The following NOL11 variants were observed in gnomAD, a reference collection of about 807,000 sequenced individuals.
NOL11 encodes nucleolar protein 11.
NOL11 carries 42 observed loss-of-function variants against 93.0 expected under a neutral mutation model. The ratio of observed to expected loss-of-function variants is 0.45; its 90% CI spans 0.35 to 0.58. The LOEUF is 0.58. Among genes scored for constraint, NOL11 ranks in the 20% least tolerant of loss-of-function variants. The pLI, the probability that NOL11 is intolerant of heterozygous loss-of-function variation, is 0.00. For missense variants in NOL11, 775 were observed against 841.8 expected, an observed-to-expected ratio of 0.92 and a Z score of 0.98; for synonymous variants, 296 against 293.7, an observed-to-expected ratio of 1.01 and a Z score of -0.08.
rs761580184 is a variant in NOL11 at position 67,717,993 on chromosome 17, A to G, written c.46A>G (p.Ser16Gly). 16 of 1,614,112 alleles carry G rather than the reference A, an allele frequency of 9.9e-6. No individual in the cohort carries two copies. Among genetic ancestry groups the G allele is most frequent in the South Asian group, 4.4e-5 (4 of 91,088 alleles). Residue 16 changes from serine (S) to glycine (G), a missense_variant, in exon 1 of 18, where the codon AGC becomes GGC. Coordinates refer to ENST00000253247, the MANE Select transcript of NOL11 (RefSeq NM_015462.5). ...ATTCACGTTGTCTTCGGTAGTCCTG[A>G]GCGCCGGGCCTGAAGGACTCCTAGG... Reference protein sequence around the residue: ...EEFTLSSVVLSAGPEGLLGVE... With the variant: ...EEFTLSSVVLGAGPEGLLGVE...
At chr17:67,724,582 T>C (rs2055069972) in intron 6 of NOL11, among the ~76,000 whole-genome samples, 1 of 152,130 alleles carries the variant, frequency 6.6e-6, no homozygotes, top group Admixed American at 6.5e-5. Flanking sequence ...TCCACCCGCC[T>C]TGGCCTCCCA....
At chr17:67,734,499 C>G (rs748557943) in intron 8 of NOL11, 60 bp downstream of exon 8, 103 of 1,181,140 alleles carry the variant, frequency 8.7e-5, no homozygotes, top group Non-Finnish European at 1.3e-4. Flanking sequence ...TTTTGTTTTG[C>G]TTTGTTTTGA....
intron 8 of NOL11, 93 bp from the exon 9 acceptor site, chr17:67,735,807 C>T: frequency 1.1e-6 from 1 of 877,970 alleles, no homozygotes; most frequent in Non-Finnish European, 1.6e-6. Flanking sequence ...GTTTTTAATA[C>T]TGAGCACTTA....
At chr17:67,718,517 T>G (rs1382003882) in intron 1 of NOL11, among the ~76,000 whole-genome samples, 2 of 152,078 alleles carry the variant, frequency 1.3e-5, no homozygotes, top group Non-Finnish European at 2.9e-5. Context: ...CCCCTCTCTT[T>G]GTAGGGGCGG....
chr17:67,721,239 G>A, intron 3 of NOL11, 139 bp from the exon 4 acceptor site: 1 of 528,052 alleles, frequency 1.9e-6, no homozygotes, highest in Non-Finnish European at 3.2e-6. Flanking sequence ...TTAGATTTTG[G>A]AACCATACAT....
intron 3 of NOL11, 135 bp from the exon 4 acceptor site, chr17:67,721,243 C>A: frequency 1.9e-6 from 1 of 539,228 alleles, no homozygotes. Context: ...ATTTTGGAAC[C>A]ATACATAATT....
At chr17:67,725,036 G>A (rs1187060280) in intron 6 of NOL11, among the ~76,000 whole-genome samples, 1 of 151,984 alleles carries the variant, frequency 6.6e-6, no homozygotes, top group African/African-American at 2.4e-5. Context: ...GCAGCCTGGG[G>A]GACAGAGCGA....
intron 7 of NOL11, among the ~76,000 whole-genome samples, chr17:67,733,897 T>G (rs1205964612): frequency 6.6e-6 from 1 of 152,264 alleles, no homozygotes; most frequent in Admixed American, 6.5e-5. Flanking sequence ...TTGTTGGTAT[T>G]TTGATTAGGA....
At position 67,739,588 on chromosome 17, in the gene NOL11, C is replaced by G; in HGVS notation, c.1915C>G (p.His639Asp). 6.3e-7 allele frequency: 1 copy of G among 1,590,486 alleles called. No individual in the cohort carries two copies. Among genetic ancestry groups the G allele is most frequent in the Non-Finnish European group, 8.6e-7 (1 of 1,166,112 alleles). Residue 639 changes from histidine to aspartate, a missense_variant, in exon 16 of 18, where the codon CAC (histidine) becomes GAC (aspartate). His to Asp is a moderately conservative substitution (Grantham distance 81, BLOSUM62 -1). Coordinates refer to ENST00000253247, the MANE Select transcript of NOL11 (RefSeq NM_015462.5). ...TGCTACTATGACTCTTCCTGGAATA[C>G]ACCCACCTACCTTGAACCAGGTGAG... ...ENATMTLPGI[H>D]PPTLNQIMDW...
In NOL11 at chr17:67,734,381, A is replaced by C; in HGVS notation, c.872A>C (p.Asn291Thr). 6.2e-7 allele frequency: 1 copy of C among 1,603,590 alleles called. No homozygotes were observed. The highest frequency in any genetic ancestry group is 1.1e-5 in the South Asian group (1 of 90,732). Residue 291 changes from asparagine to threonine, a missense_variant, in exon 8 of 18, where the codon AAC becomes ACC. By Grantham distance (65) the Asn-to-Thr change is moderately conservative. Around this residue, in one of 2 missense-constraint regions of NOL11, gnomAD observed 416 missense variants for 525.2 expected, o/e 0.79. Coordinates refer to ENST00000253247, the MANE Select transcript of NOL11 (RefSeq NM_015462.5). The stretch of plus-strand genomic sequence containing the variant: ...TTTATAGAATGCCTCTCTGTATGGA[A>C]CATAAAATTTCAAACACTACAGACT... ...AASKECLSVW[N>T]IKFQTLQTSK...
At chr17:67,718,181 A>C in intron 1 of NOL11, 93 bp downstream of exon 1, 2 of 1,528,808 alleles carry the variant, frequency 1.3e-6, no homozygotes, top group Non-Finnish European at 1.8e-6. Context: ...CTTCAGAAAG[A>C]GATCGTGGAG....
At position 67,725,165 on chromosome 17, in the gene NOL11, G is replaced by C. The variant is rs1769689957; in HGVS notation, c.664+972G>C. On this transcript the variant is annotated intron_variant, in intron 6 of 17. Transcript: ENST00000253247. ...TTAGCTGATAAGGCCCAGGTTCTTT[G>C]AGTGTAATTAGTGAAACATAAACTG... 2.0e-5 allele frequency among the ~76,000 whole-genome samples: 3 copies of C among 152,332 alleles called. No homozygotes were observed. In the South Asian group the frequency reaches 6.2e-4, roughly 32 times the overall value.
intron 16 of NOL11, among the ~76,000 whole-genome samples, chr17:67,741,228 C>G (rs1238855602): frequency 6.6e-6 from 1 of 152,090 alleles, no homozygotes; most frequent in African/African-American, 2.4e-5. Context: ...AGCCACCACA[C>G]CTGGCTAATT....
At position 67,738,368 on chromosome 17, in the gene NOL11, A is replaced by G. The variant is rs1251719208; in HGVS notation, c.1763+13A>G. ...GAGCAGCTCTACTGTATCCTTTGAC[A>G]TAGAGCATCCCTCTGTTTCTCTTTA... is the stretch of plus-strand genomic sequence containing the variant. On this transcript the variant is annotated intron_variant, in intron 14 of 17. Transcript: ENST00000253247. 1 of 1,530,626 alleles carries G rather than the reference A, an allele frequency of 6.5e-7. No individual in the cohort carries two copies. Among genetic ancestry groups the G allele is most frequent in the South Asian group, 1.1e-5 (1 of 88,092 alleles). 94.8% of individuals were successfully genotyped at this position (1,530,626 alleles called of 1,614,324 possible).
intron 5 of NOL11, among the ~76,000 whole-genome samples, chr17:67,723,372 T>A (rs2055053438): frequency 3.2e-4 from 1 of 3,090 alleles, no homozygotes; most frequent in Non-Finnish European, 7.6e-4. Context: ...GATCTCTAAT[T>A]TTTTTTTTTT....
chr17:67,740,394 G>C (rs1168834646), intron 16 of NOL11, among the ~76,000 whole-genome samples: 1 of 152,032 alleles, frequency 6.6e-6, no homozygotes, highest in East Asian at 1.9e-4. Context: ...TGGATCACCT[G>C]AGGTCGGGAG....
chr17:67,741,500 A>G (rs968793751), intron 16 of NOL11, among the ~76,000 whole-genome samples: 3 of 152,126 alleles, frequency 2.0e-5, no homozygotes, highest in Non-Finnish European at 2.9e-5. Flanking sequence ...GATTACAGGC[A>G]TGAGACACTT....
chr17:67,724,714 T>C (rs1306671683), intron 6 of NOL11, among the ~76,000 whole-genome samples: 1 of 152,224 alleles, frequency 6.6e-6, no homozygotes, highest in African/African-American at 2.4e-5. Context: ...TTGAAGTACT[T>C]TAGATACAGC....
chr17:67,736,737 G>T lies in NOL11; in HGVS notation c.1126G>T (p.Glu376Ter). The change falls in exon 10 of 18, where the codon GAG becomes TAG. Residue 376 changes from glutamate to a stop codon, truncating the protein, a stop_gained. Transcript: ENST00000253247. LOFTEE classifies it high-confidence loss of function. ...QGCGLGFQNS[E>*]QSRRILRRRK... ...ATGTGGACTTGGGTTCCAGAACTCAGAGCAGTCAAGAAGAATTGTAAGTTT... is the reference window on the plus strand; with the variant it reads ...ATGTGGACTTGGGTTCCAGAACTCATAGCAGTCAAGAAGAATTGTAAGTTT... 1 of 1,611,984 alleles carries T rather than the reference G, an allele frequency of 6.2e-7. No homozygotes were observed. The highest frequency in any genetic ancestry group is 8.5e-7 in the Non-Finnish European group (1 of 1,178,502).
Sources: allele counts gnomAD v4.1 joint callset (sites outside exome capture counted in the v4.1 genomes callset), GRCh38; gene constraint gnomAD v4.1.1; regional missense constraint gnomAD v4.1.1; transcripts MANE v1.5; gene names NCBI Gene and HGNC (gene_info 2026-07-23, HGNC 2026-07-21).